Variants in ARHGAP15 observed in about 807,000 individuals in gnomAD.
The protein encoded by ARHGAP15 is Rho GTPase activating protein 15.
Under a neutral mutation model 63.7 loss-of-function variants are expected in ARHGAP15, and 51 were observed. The ratio of observed to expected loss-of-function variants is 0.80; its 90% confidence interval spans 0.64 to 1.01. ARHGAP15 has a LOEUF of 1.01. ARHGAP15 is among the 50% of genes least tolerant of loss of function. The pLI, the probability that ARHGAP15 is intolerant of heterozygous loss-of-function variation, is 0.00. For synonymous variants in ARHGAP15, 191 were observed against 193.8 expected (o/e 0.99, Z 0.12); for missense variants, 560 against 564.6 (o/e 0.99, Z 0.08).
intron 2 of ARHGAP15, among the ~76,000 whole-genome samples, chr2:143,176,084 A>G (rs1014671874): frequency 3.3e-5 from 5 of 152,184 alleles, no homozygotes; most frequent in African/African-American, 1.2e-4. Context: ...ATGAGTTACT[A>G]TATCTTCAAA....
intron 10 of ARHGAP15, among the ~76,000 whole-genome samples, chr2:143,552,445 T>C (rs1415643192): frequency 6.6e-6 from 1 of 152,158 alleles, no homozygotes; most frequent in Admixed American, 6.5e-5. Flanking sequence ...CTAAGATTTA[T>C]GGTGGGAATT....
intron 6 of ARHGAP15, among the ~76,000 whole-genome samples, chr2:143,431,824 G>C (rs542888687): frequency 3.3e-5 from 5 of 152,036 alleles, no homozygotes; most frequent in African/African-American, 1.2e-4. Context: ...TGTCATGAAC[G>C]CATCCTCTCT....
intron 1 of ARHGAP15, among the ~76,000 whole-genome samples, chr2:143,153,578 T>C (rs861167): frequency 0.41 from 61,885 of 151,620 alleles, 12,828 homozygotes; most frequent in Middle Eastern, 0.48. Context: ...ATACAATTTG[T>C]TCATTTTTAA....
chr2:143,673,719 ATATTGTGTGTGTGTGTGTGTGTG>A (rs1386490596), intron 12 of ARHGAP15, among the ~76,000 whole-genome samples: 13 of 84,608 alleles, frequency 1.5e-4, no homozygotes, highest in Admixed American at 3.0e-4. Flanking sequence ...TAAAGGCCTT[ATATTGTGTGTGTGTGTGTGTGTG>A]TGTGTGTGTG....
At chr2:143,330,036 G>A (rs758747472) in intron 6 of ARHGAP15, among the ~76,000 whole-genome samples, 4 of 128,592 alleles carry the variant, frequency 3.1e-5, no homozygotes, top group Non-Finnish European at 4.7e-5. Flanking sequence ...AGGTTGCAGT[G>A]AGCCTAGATT....
chr2:143,454,129 C>T lies in ARHGAP15; in HGVS notation c.703+17087C>T, dbSNP rs182522379. On this transcript the variant is annotated intron_variant, in intron 8 of 13. Coordinates refer to ENST00000295095, the MANE Select transcript of ARHGAP15 (RefSeq NM_018460.4). Reference sequence around the variant, plus strand: ...TCCTGAAGCCTTCCTTAGTAATCACCGTCATTGAGAGGCCCTGAGGACTCG... The same window carrying T: ...TCCTGAAGCCTTCCTTAGTAATCACTGTCATTGAGAGGCCCTGAGGACTCG... Among the ~76,000 whole-genome samples, 50 of 152,078 alleles carry T rather than the reference C, an allele frequency of 3.3e-4. 1 individual carries two copies. In the East Asian group the frequency reaches 8.3e-3, roughly 25 times the overall value.
intron 10 of ARHGAP15, among the ~76,000 whole-genome samples, chr2:143,549,046 T>C (rs188250052): frequency 4.0e-4 from 61 of 152,290 alleles, no homozygotes; most frequent in Non-Finnish European, 7.9e-4. Context: ...TATCAACCTA[T>C]ACTTCCAACA....
intron 6 of ARHGAP15, among the ~76,000 whole-genome samples, chr2:143,346,761 G>A (rs1187910445): frequency 6.6e-6 from 1 of 151,982 alleles, no homozygotes; most frequent in Non-Finnish European, 1.5e-5. Context: ...TTGAAAATTG[G>A]TATTCATTTT....
intron 12 of ARHGAP15, among the ~76,000 whole-genome samples, chr2:143,683,239 G>T (rs1683186910): frequency 1.3e-5 from 2 of 151,968 alleles, no homozygotes; most frequent in Non-Finnish European, 2.9e-5. Context: ...AAATTGAGGT[G>T]CAAGAGCACT....
chr2:143,370,330 A>G (rs567843264), intron 6 of ARHGAP15, among the ~76,000 whole-genome samples: 74 of 150,636 alleles, frequency 4.9e-4, no homozygotes, highest in Non-Finnish European at 9.3e-4. Context: ...GGGGAATATC[A>G]CACTCTGGGG....
Position 143,762,828 on chromosome 2 carries a change from G to C in ARHGAP15, c.1245-5161G>C, listed in dbSNP as rs938476072. 7.2e-5 allele frequency among the ~76,000 whole-genome samples: 11 copies of C among 152,112 alleles called. No homozygotes were observed. In the East Asian group the frequency reaches 2.1e-3, roughly 29 times the overall value. On this transcript the variant is annotated intron_variant, in intron 13 of 13. Transcript: ENST00000295095. ...ACTTTGGAATGCCATTTTTCGTGAA[G>C]CATATCAGAGAAATGGTGTTTTACA...
chr2:143,268,401 C>T (rs778900477), intron 6 of ARHGAP15, among the ~76,000 whole-genome samples: 4 of 151,964 alleles, frequency 2.6e-5, no homozygotes, highest in Non-Finnish European at 5.9e-5. Flanking sequence ...AACAATTAAA[C>T]TGATTGGAAT....
intron 6 of ARHGAP15, among the ~76,000 whole-genome samples, chr2:143,379,487 A>ATATATGTGTG (rs1202571594): frequency 2.9e-4 from 38 of 129,840 alleles, no homozygotes; most frequent in African/African-American, 1.1e-3. Flanking sequence ...AGGCATATAT[A>ATATATGTGTG]TGTGTGTGTG....
In ARHGAP15 at chr2:143,566,918, C is replaced by T. The variant is rs116098916; in HGVS notation, c.1003+10433C>T. Among the ~76,000 whole-genome samples, 1,434 of 151,582 alleles carry T rather than the reference C, an allele frequency of 9.5e-3. 19 individuals are homozygous for T. The highest frequency in any genetic ancestry group is 0.033 in the African/African-American group (1,353 of 41,284). The stretch of plus-strand genomic sequence containing the variant: ...CTTTTTTTTTTTTGAGACAGAGTCT[C>T]GCTCTGTCGCCCAGTGCCACGATCT... On this transcript the variant is annotated intron_variant, in intron 11 of 13. Coordinates refer to ENST00000295095, the MANE Select transcript of ARHGAP15 (RefSeq NM_018460.4).
intron 6 of ARHGAP15, among the ~76,000 whole-genome samples, chr2:143,289,291 G>A (rs893873055): frequency 2.6e-5 from 4 of 152,126 alleles, no homozygotes; most frequent in Admixed American, 2.0e-4. Flanking sequence ...ACTATACCAG[G>A]TTTGCTGAAT....
chr2:143,729,690 A>G (rs1163472470), intron 13 of ARHGAP15, among the ~76,000 whole-genome samples: 2 of 152,236 alleles, frequency 1.3e-5, no homozygotes, highest in Non-Finnish European at 2.9e-5. Context: ...AATGAATTTG[A>G]CACATCCTGC....
intron 2 of ARHGAP15, among the ~76,000 whole-genome samples, chr2:143,194,619 T>C (rs1203722907): frequency 1.3e-5 from 2 of 152,184 alleles, no homozygotes; most frequent in African/African-American, 2.4e-5. Flanking sequence ...TTCTTGGCTC[T>C]GGTGGTTCTT....
intron 3 of ARHGAP15, among the ~76,000 whole-genome samples, chr2:143,213,150 T>C (rs1291841900): frequency 6.6e-6 from 1 of 152,150 alleles, no homozygotes; most frequent in African/African-American, 2.4e-5. Context: ...AGCTGGCATT[T>C]AGAGGAAAGA....
rs1684191015 is a variant in ARHGAP15, at chr2:143,703,581, T to TA, written c.1244+58dup. The TA allele has an allele frequency of 2.2e-6, 3 of 1,382,780 alleles. No homozygotes were observed. The Admixed American group carries it at 6.0e-5, about 28-fold the overall frequency. The allele number at this position is 1,382,780 out of a possible 1,614,324, so 85.7% of individuals were successfully genotyped here. On this transcript the variant is annotated intron_variant, in intron 13 of 13. Transcript: ENST00000295095. Reference sequence around the variant, plus strand: ...TTATAGTCATTTCCTAAATGGGCAATATTGAATTTCACATCTCTAAGGCAA... The same window carrying TA: ...TTATAGTCATTTCCTAAATGGGCAATAATTGAATTTCACATCTCTAAGGCAA...
Sources: allele counts gnomAD v4.1 joint callset (sites outside exome capture counted in the v4.1 genomes callset), GRCh38; gene constraint gnomAD v4.1.1; transcripts MANE v1.5; gene names NCBI Gene and HGNC (gene_info 2026-07-23, HGNC 2026-07-21).